GSE1: variants seen among roughly 807,000 people sequenced by gnomAD.
GSE1 encodes genetic suppressor element 1.
GSE1 carries 32 observed loss-of-function variants against 112.6 expected under a neutral mutation model. The observed-to-expected ratio is 0.28, with a 90% confidence interval of 0.21 to 0.38. The LOEUF (loss-of-function observed/expected upper bound fraction) is 0.38. Among genes scored for constraint, GSE1 ranks in the 10% least tolerant of loss-of-function variants. GSE1 has a pLI of 1.00. For missense variants in GSE1, 2,348 were observed against 1,699.2 expected (o/e 1.38, Z -6.71); for synonymous variants, 1,115 against 735.6 (o/e 1.52, Z -8.35).
intron 1 of GSE1, among the ~76,000 whole-genome samples, chr16:85,307,618 T>C (rs897432796): frequency 7.9e-6 from 1 of 126,556 alleles, no homozygotes; most frequent in African/African-American, 3.1e-5. Flanking sequence ...GCACACAGCA[T>C]TGCCAACCAG....
intron 1 of GSE1, among the ~76,000 whole-genome samples, chr16:85,310,273 C>T (rs1429728368): frequency 6.6e-6 from 1 of 152,234 alleles, no homozygotes; most frequent in Admixed American, 6.5e-5. Flanking sequence ...TCACTTTGCA[C>T]ATCTGGAAAT....
intron 2 of GSE1, among the ~76,000 whole-genome samples, chr16:85,464,036 G>A (rs1255061567): frequency 1.3e-5 from 2 of 152,178 alleles, no homozygotes; most frequent in Admixed American, 6.5e-5. Flanking sequence ...CCCCTTACCT[G>A]CGGGCCTTTT....
chr16:85,633,801 G>A (rs1482601634), intron 1 of GSE1, 113 bp from the exon 2 acceptor site: 11 of 739,774 alleles, frequency 1.5e-5, no homozygotes, highest in East Asian at 2.6e-5. Flanking sequence ...GGAGCCCCCG[G>A]GGCTGCCCCT....
intron 1 of GSE1, among the ~76,000 whole-genome samples, chr16:85,240,220 G>C (rs533280536): frequency 1.2e-3 from 181 of 152,342 alleles, no homozygotes; most frequent in Non-Finnish European, 2.2e-3. Context: ...GATGACACGT[G>C]GGTGCCCAGG....
intron 2 of GSE1, among the ~76,000 whole-genome samples, chr16:85,543,946 T>A (rs1234565623): frequency 6.6e-6 from 1 of 152,180 alleles, no homozygotes; most frequent in Non-Finnish European, 1.5e-5. Flanking sequence ...CAAGCAATCC[T>A]CCTGCCTCAG....
At chr16:85,379,181 G>A (rs1203314755) in intron 2 of GSE1, among the ~76,000 whole-genome samples, 2 of 152,010 alleles carry the variant, frequency 1.3e-5, no homozygotes, top group South Asian at 4.2e-4. Context: ...CCCTCCCTGG[G>A]CCTCAGCACC....
At chr16:85,374,422 T>C (rs1425484160) in intron 2 of GSE1, among the ~76,000 whole-genome samples, 1 of 151,976 alleles carries the variant, frequency 6.6e-6, no homozygotes, top group Non-Finnish European at 1.5e-5. Flanking sequence ...GCAGTGTGTG[T>C]CAGTGTGCAT....
intron 1 of GSE1, among the ~76,000 whole-genome samples, chr16:85,562,993 AT>A (rs909658147): frequency 3.3e-5 from 5 of 152,192 alleles, no homozygotes; most frequent in African/African-American, 1.2e-4. Context: ...GGATGATGGG[AT>A]CCCCTCTTAG....
Position 85,510,680 on chromosome 16 carries a change from C to G in GSE1, c.2465-123234C>G, listed in dbSNP as rs185745583. On this transcript the variant is annotated intron_variant, in intron 2 of 2. Coordinates refer to the GSE1 transcript ENST00000637419. ...TAGCTTTGGCCTTGTTGTAGGAACCCTCCCACGGCTCCCATGCATGAAGAG... is the reference window on the plus strand; with the variant it reads ...TAGCTTTGGCCTTGTTGTAGGAACCGTCCCACGGCTCCCATGCATGAAGAG... 4.7e-3 allele frequency among the ~76,000 whole-genome samples: 718 copies of G among 152,324 alleles called. 4 individuals are homozygous for G. Among genetic ancestry groups the G allele is most frequent in the African/African-American group, 0.017 (693 of 41,560 alleles).
At position 85,656,388 on chromosome 16, in the gene GSE1, CGAGCGCGAGCGTGAGCGT is replaced by C. The variant is rs768996843; in HGVS notation, c.1039_1056del (p.Arg347_Glu352del). On this transcript the variant is annotated inframe_deletion, in exon 7 of 16. Coordinates refer to ENST00000253458, the MANE Select transcript of GSE1 (RefSeq NM_014615.5). The stretch of plus-strand genomic sequence containing the variant: ...TAAGGCGGGAGAGGGAGCGCGAGCG[CGAGCGCGAGCGTGAGCGT>C]GAGGCTGACCGCGAGCGGGAGAAGG... 62 of 1,560,192 alleles carry C rather than the reference CGAGCGCGAGCGTGAGCGT, an allele frequency of 4.0e-5. No individual in the cohort carries two copies. The highest frequency in any genetic ancestry group is 1.7e-4 in the Middle Eastern group (1 of 5,898).
At chr16:85,326,223 C>T (rs983549231) in intron 1 of GSE1, among the ~76,000 whole-genome samples, 1 of 151,904 alleles carries the variant, frequency 6.6e-6, no homozygotes, top group Non-Finnish European at 1.5e-5. Flanking sequence ...GGCGGTTAAG[C>T]CTAAGGGTTA....
chr16:85,510,451 G>A (rs564039042), intron 2 of GSE1, among the ~76,000 whole-genome samples: 3 of 64,482 alleles, frequency 4.7e-5, no homozygotes, highest in Admixed American at 3.4e-4. Context: ...TGTGTGTGTC[G>A]GTGTGGCCTG....
At chr16:85,555,517 G>A, upstream of GSE1, 1 of 984,654 alleles carries the variant, frequency 1.0e-6, no homozygotes, top group Non-Finnish European at 1.2e-6. Context: ...TCTCCCCCTC[G>A]GTACTTCTTG....
At chr16:85,317,947 A>G (rs975777525) in intron 1 of GSE1, among the ~76,000 whole-genome samples, 16 of 152,230 alleles carry the variant, frequency 1.1e-4, no homozygotes, top group East Asian at 9.6e-4. Context: ...TTGGTTCTCA[A>G]AAGAACTGGG....
chr16:85,669,863 A>C (rs1462877003), intron 14 of GSE1, among the ~76,000 whole-genome samples: 1 of 152,138 alleles, frequency 6.6e-6, no homozygotes, highest in Non-Finnish European at 1.5e-5. Context: ...CCTCACTCCC[A>C]CACCTGCTGG....
chr16:85,533,772 G>A (rs2044220331), intron 2 of GSE1, among the ~76,000 whole-genome samples: 1 of 152,046 alleles, frequency 6.6e-6, no homozygotes, highest in Non-Finnish European at 1.5e-5. Flanking sequence ...GGCTGAGGTG[G>A]GAGGATCGCT....
intron 2 of GSE1, among the ~76,000 whole-genome samples, chr16:85,533,964 G>A (rs926026466): frequency 8.5e-5 from 13 of 152,110 alleles, no homozygotes; most frequent in African/African-American, 2.4e-4. Flanking sequence ...TGACATATGC[G>A]TACGTCTGTG....
At chr16:85,534,577 A>G (rs539945883) in intron 2 of GSE1, among the ~76,000 whole-genome samples, 1 of 152,278 alleles carries the variant, frequency 6.6e-6, no homozygotes, top group East Asian at 1.9e-4. Flanking sequence ...AGGCAGAGCC[A>G]TCTTCCACTG....
chr16:85,264,236 C>T (rs1418428529), intron 1 of GSE1, among the ~76,000 whole-genome samples: 2 of 152,080 alleles, frequency 1.3e-5, no homozygotes, highest in Admixed American at 6.5e-5. Context: ...GCCCTTGACC[C>T]GTGGGGTGGA....
Sources: allele counts gnomAD v4.1 joint callset (sites outside exome capture counted in the v4.1 genomes callset), GRCh38; gene constraint gnomAD v4.1.1; transcripts MANE v1.5; gene names NCBI Gene and HGNC (gene_info 2026-07-23, HGNC 2026-07-21).